The following NREP variants were observed in gnomAD, a reference collection of about 807,000 sequenced individuals.
The protein encoded by NREP is neuronal regeneration-related protein.
Under a neutral mutation model 8.6 loss-of-function variants are expected in NREP, and 5 were observed. That is an observed-to-expected ratio of 0.58 (90% confidence interval 0.30 to 1.22). NREP has a LOEUF of 1.22. Ranked by LOEUF, NREP falls within the 50% of genes most tolerant of loss-of-function variation. The probability of loss-of-function intolerance (pLI) is 0.07; values close to 1 mark genes in which losing one functional copy is unlikely to be tolerated. For missense variants in NREP, 86 were observed against 82.5 expected (o/e 1.04, Z -0.17); for synonymous variants, 27 against 28.0 (o/e 0.96, Z 0.11).
chr5:111,773,056 T>C (rs892218082), intron 2 of NREP, among the ~76,000 whole-genome samples: 8 of 152,218 alleles, frequency 5.3e-5, no homozygotes, highest in Non-Finnish European at 1.0e-4. Flanking sequence ...ATCATCTATA[T>C]GTCTCTAGCT....
intron 2 of NREP, among the ~76,000 whole-genome samples, chr5:111,816,876 G>C (rs1403902646): frequency 1.3e-5 from 2 of 151,596 alleles, no homozygotes; most frequent in Admixed American, 1.3e-4. Context: ...CCAAAAATTT[G>C]AAAGTAAAAG....
chr5:111,931,874 C>T (rs575808582), intron 2 of NREP, among the ~76,000 whole-genome samples: 7 of 151,764 alleles, frequency 4.6e-5, no homozygotes, highest in Non-Finnish European at 1.0e-4. Flanking sequence ...TTAGGCCTTC[C>T]GAAAAAGGAG....
chr5:111,899,394 G>A (rs920840733), intron 2 of NREP, among the ~76,000 whole-genome samples: 3 of 152,068 alleles, frequency 2.0e-5, no homozygotes, highest in African/African-American at 7.2e-5. Context: ...TTTTCCTGTA[G>A]TACTAGCTAC....
At chr5:111,848,759 C>T (rs1406382336) in intron 2 of NREP, among the ~76,000 whole-genome samples, 1 of 151,786 alleles carries the variant, frequency 6.6e-6, no homozygotes, top group Non-Finnish European at 1.5e-5. Flanking sequence ...AAGATGAATG[C>T]CATGCTTTAA....
chr5:111,864,335 A>C (rs1396028935), intron 2 of NREP, among the ~76,000 whole-genome samples: 9 of 152,152 alleles, frequency 5.9e-5, no homozygotes, highest in Non-Finnish European at 5.9e-5. Context: ...TTATTGAGTT[A>C]AGAAGGCATG....
chr5:111,843,127 A>T (rs1753072825), intron 2 of NREP, among the ~76,000 whole-genome samples: 1 of 152,066 alleles, frequency 6.6e-6, no homozygotes, highest in African/African-American at 2.4e-5. Context: ...CTTTAAAATG[A>T]CTTTCTTCCC....
chr5:111,898,804 C>T (rs1005077951), intron 2 of NREP, among the ~76,000 whole-genome samples: 3 of 152,132 alleles, frequency 2.0e-5, no homozygotes, highest in African/African-American at 7.2e-5. Flanking sequence ...ATCAAACTGT[C>T]AAAAGTCAAA....
At chr5:111,893,986 C>T (rs1037969071) in intron 2 of NREP, among the ~76,000 whole-genome samples, 6 of 151,904 alleles carry the variant, frequency 3.9e-5, no homozygotes, top group African/African-American at 9.7e-5. Flanking sequence ...GGGAGGCCGA[C>T]GCAGGCAGAT....
chr5:111,800,344 T>G (rs1408120350), intron 2 of NREP, among the ~76,000 whole-genome samples: 1 of 152,222 alleles, frequency 6.6e-6, no homozygotes, highest in Non-Finnish European at 1.5e-5. Flanking sequence ...TGTACATCGG[T>G]GATTATTAAC....
chr5:111,964,977 G>T (rs1756602506), intron 2 of NREP, among the ~76,000 whole-genome samples: 1 of 147,812 alleles, frequency 6.8e-6, no homozygotes, highest in African/African-American at 2.5e-5. Context: ...CAGACGTAAG[G>T]AAAATCTAAC....
At chr5:111,790,020 C>T (rs925868114) in intron 2 of NREP, among the ~76,000 whole-genome samples, 4 of 151,924 alleles carry the variant, frequency 2.6e-5, no homozygotes, top group African/African-American at 4.8e-5. Context: ...ACATATATTA[C>T]AGCCATCAAG....
chr5:111,869,759 A>G (rs1753747425), intron 2 of NREP, among the ~76,000 whole-genome samples: 1 of 152,202 alleles, frequency 6.6e-6, no homozygotes, highest in African/African-American at 2.4e-5. Context: ...ATGCTCAAAA[A>G]CAACAGAAGC....
chr5:111,825,957 A>ATTTTT (rs370482212), intron 2 of NREP, among the ~76,000 whole-genome samples: 2 of 140,318 alleles, frequency 1.4e-5, no homozygotes, highest in African/African-American at 2.6e-5. Context: ...GCTCGTTTGG[A>ATTTTT]TTTTTTTTTT....
At chr5:111,946,353 C>G (rs764339119) in intron 2 of NREP, among the ~76,000 whole-genome samples, 1 of 151,896 alleles carries the variant, frequency 6.6e-6, no homozygotes, top group Non-Finnish European at 1.5e-5. Flanking sequence ...AAGTGTGGGC[C>G]CTACACTGAA....
intron 2 of NREP, among the ~76,000 whole-genome samples, chr5:111,974,704 C>G (rs1246841332): frequency 1.3e-5 from 2 of 152,148 alleles, no homozygotes; most frequent in Non-Finnish European, 2.9e-5. Context: ...TTCAATTTAA[C>G]CTAATTCTAA....
chr5:111,757,248 G>A (rs1355451605), upstream of NREP: 1 of 189,874 alleles, frequency 5.3e-6, no homozygotes, highest in African/African-American at 1.7e-4. Context: ...AGGGGGGATT[G>A]GGGGAGGGAG....
At chr5:111,873,128 T>G (rs1030723949) in intron 2 of NREP, among the ~76,000 whole-genome samples, 1 of 152,160 alleles carries the variant, frequency 6.6e-6, no homozygotes, top group Admixed American at 6.5e-5. Flanking sequence ...ATAGTGCAAG[T>G]AATATATTTA....
At chr5:111,891,921 T>C (rs1754404751) in intron 2 of NREP, among the ~76,000 whole-genome samples, 1 of 152,190 alleles carries the variant, frequency 6.6e-6, no homozygotes, top group South Asian at 2.1e-4. Context: ...CATGAGATTC[T>C]GGTGGGGACA....
At chr5:111,773,389 A>G (rs1230812768) in intron 2 of NREP, among the ~76,000 whole-genome samples, 5 of 152,228 alleles carry the variant, frequency 3.3e-5, no homozygotes, top group African/African-American at 9.6e-5. Flanking sequence ...GGCCACTCCA[A>G]GAAAATAGTG....
Sources: allele counts gnomAD v4.1 joint callset (sites outside exome capture counted in the v4.1 genomes callset), GRCh38; gene constraint gnomAD v4.1.1; transcripts MANE v1.5; gene names NCBI Gene and HGNC (gene_info 2026-07-23, HGNC 2026-07-21).